The following SNX24 variants were observed in gnomAD, a reference collection of about 807,000 sequenced individuals.
The protein encoded by SNX24 is sorting nexin-24.
In SNX24, 22 loss-of-function variants were observed where a neutral mutation model predicts 28.7. That is an observed-to-expected ratio of 0.77 (90% CI 0.55 to 1.10). The LOEUF (loss-of-function observed/expected upper bound fraction) is 1.10, where lower values mean the gene tolerates loss of function less well. SNX24 is among the 50% of genes least tolerant of loss of function. The probability of loss-of-function intolerance (pLI) is 0.00; values close to 1 mark genes in which losing one functional copy is unlikely to be tolerated. For synonymous variants in SNX24, 69 were observed against 71.5 expected (o/e 0.96, Z 0.18); for missense variants, 221 against 201.1 (o/e 1.10, Z -0.60).
intron 1 of SNX24, among the ~76,000 whole-genome samples, chr5:122,888,382 C>T (rs1248242003): frequency 1.3e-5 from 2 of 152,064 alleles, no homozygotes; most frequent in Non-Finnish European, 1.5e-5. Flanking sequence ...CAAGTCTTGG[C>T]GCTATTGGTT....
chr5:122,929,058 G>A (rs1758835433), intron 1 of SNX24, among the ~76,000 whole-genome samples: 5 of 151,958 alleles, frequency 3.3e-5, no homozygotes. Context: ...GTTTTTGTCT[G>A]TGTTCATTGT....
chr5:123,007,867 T>C lies in SNX24; in HGVS notation c.*118T>C, dbSNP rs1762471421. On this transcript the variant is annotated 3_prime_UTR_variant, in exon 7 of 7. Coordinates refer to ENST00000261369, the MANE Select transcript of SNX24 (RefSeq NM_014035.4). ...ATAACAGCTCTAGCTAGTGGTAAAG[T>C]GCACAGTCCCAGCTTAATTCAGGGC... 8 of 1,505,028 alleles carry C rather than the reference T, an allele frequency of 5.3e-6. No individual in the cohort carries two copies. The highest frequency in any genetic ancestry group is 1.8e-4 in the Middle Eastern group (1 of 5,524). The allele number at this position is 1,505,028 out of a possible 1,614,324, so 93.2% of individuals were successfully genotyped here. A position where few individuals can be genotyped will look rare whatever the true frequency, so the allele number is the denominator to read the frequency against.
intron 1 of SNX24, among the ~76,000 whole-genome samples, chr5:122,899,335 T>G (rs908363410): frequency 6.6e-6 from 1 of 152,198 alleles, no homozygotes; most frequent in East Asian, 1.9e-4. Context: ...ATGGAGTCCA[T>G]AGAAATATAC....
intron 1 of SNX24, among the ~76,000 whole-genome samples, chr5:122,918,136 T>C (rs1285394396): frequency 6.6e-6 from 1 of 152,078 alleles, no homozygotes; most frequent in Non-Finnish European, 1.5e-5. Flanking sequence ...AGGCTGGGCC[T>C]GGTGGCTCCC....
intron 4 of SNX24, 108 bp downstream of exon 4, chr5:123,000,114 C>T (rs1192112934): frequency 2.6e-6 from 2 of 756,580 alleles, no homozygotes; most frequent in Admixed American, 2.0e-5. Context: ...CCGGCCACGC[C>T]CACTCTTTTG....
intron 1 of SNX24, among the ~76,000 whole-genome samples, chr5:122,899,135 A>G (rs73291201): frequency 0.039 from 6,000 of 152,280 alleles, 405 homozygotes; most frequent in African/African-American, 0.14. Flanking sequence ...CCCCACCTGA[A>G]GAACACAGTC....
intron 2 of SNX24, among the ~76,000 whole-genome samples, chr5:122,937,620 T>C (rs1172362235): frequency 6.6e-6 from 1 of 152,190 alleles, no homozygotes; most frequent in African/African-American, 2.4e-5. Context: ...AGGATATTAG[T>C]GAGAGATTAG....
At chr5:122,986,309 G>A (rs543323369) in intron 3 of SNX24, among the ~76,000 whole-genome samples, 1 of 152,300 alleles carries the variant, frequency 6.6e-6, no homozygotes, top group East Asian at 1.9e-4. Flanking sequence ...GCCTGGAGAT[G>A]TGAATTTTCA....
chr5:122,908,852 C>T (rs1475406078), intron 1 of SNX24, among the ~76,000 whole-genome samples: 2 of 152,150 alleles, frequency 1.3e-5, no homozygotes, highest in Non-Finnish European at 2.9e-5. Flanking sequence ...AACGGAATGT[C>T]CTGTGCTGCC....
chr5:123,011,312 C>T (rs1762573362), downstream of SNX24, among the ~76,000 whole-genome samples: 1 of 152,154 alleles, frequency 6.6e-6, no homozygotes, highest in Admixed American at 6.5e-5. Context: ...TCGATGCTAC[C>T]TTATGCAGTG....
chr5:123,018,634 C>T (rs1762719685), intron 5 of SNX24, among the ~76,000 whole-genome samples: 1 of 152,208 alleles, frequency 6.6e-6, no homozygotes, highest in Admixed American at 6.5e-5. Context: ...AATTTGGGTC[C>T]TCCAAATCCT....
intron 1 of SNX24, among the ~76,000 whole-genome samples, chr5:122,935,760 A>G (rs1390210008): frequency 1.3e-5 from 2 of 152,212 alleles, no homozygotes; most frequent in African/African-American, 2.4e-5. Flanking sequence ...TTAGACTAAA[A>G]GTAAGCATGC....
chr5:122,861,633 G>A (rs1056189698), intron 1 of SNX24, among the ~76,000 whole-genome samples: 8 of 152,076 alleles, frequency 5.3e-5, no homozygotes, highest in Admixed American at 2.6e-4. Flanking sequence ...CAGATCCCAT[G>A]TAATTTGCTG....
chr5:122,850,449 C>G (rs1754858864), intron 1 of SNX24, among the ~76,000 whole-genome samples: 1 of 152,178 alleles, frequency 6.6e-6, no homozygotes, highest in Non-Finnish European at 1.5e-5. Flanking sequence ...GGGAGACAGT[C>G]AGACTGTAGC....
chr5:122,905,008 G>A (rs962380482), intron 1 of SNX24, among the ~76,000 whole-genome samples: 1 of 152,198 alleles, frequency 6.6e-6, no homozygotes, highest in Non-Finnish European at 1.5e-5. Flanking sequence ...TTAAGTAAGT[G>A]TGTAAGAACA....
At chr5:122,988,984 G>A (rs62377399) in intron 3 of SNX24, among the ~76,000 whole-genome samples, 33,771 of 151,646 alleles carry the variant, frequency 0.22, 4,756 homozygotes, top group Non-Finnish European at 0.33. Context: ...TTTCCCCTAA[G>A]TGTTCTACCC....
intron 3 of SNX24, among the ~76,000 whole-genome samples, chr5:122,970,461 C>A (rs890041751): frequency 2.0e-5 from 3 of 151,986 alleles, no homozygotes; most frequent in Admixed American, 6.6e-5. Flanking sequence ...GGAATTCCAG[C>A]CTTATTCTGC....
At chr5:122,887,842 A>G (rs1442771480) in intron 1 of SNX24, among the ~76,000 whole-genome samples, 2 of 152,164 alleles carry the variant, frequency 1.3e-5, no homozygotes, top group Non-Finnish European at 2.9e-5. Context: ...ATCTGGGATT[A>G]CAAGCACCTG....
At chr5:122,853,351 T>C (rs1386567062) in intron 1 of SNX24, among the ~76,000 whole-genome samples, 2 of 152,080 alleles carry the variant, frequency 1.3e-5, no homozygotes, top group Non-Finnish European at 2.9e-5. Flanking sequence ...ATGGTCTCGA[T>C]CTCCTGACCT....
Sources: gnomAD v4.1 joint callset for allele counts (sites outside exome capture counted in the v4.1 genomes callset) on GRCh38, gnomAD v4.1.1 for gene constraint, MANE v1.5 for transcripts, NCBI Gene and HGNC (gene_info 2026-07-23, HGNC 2026-07-21) for gene names.